TAMM41: variants seen among roughly 807,000 people sequenced by gnomAD.
The protein encoded by TAMM41 is TAM41 mitochondrial translocator assembly and maintenance homolog, also known as phosphatidate cytidylyltransferase, mitochondrial.
In TAMM41, 36 loss-of-function variants were observed where a neutral mutation model predicts 44.1. The observed-to-expected ratio is 0.82, with a 90% CI of 0.63 to 1.08. The LOEUF (loss-of-function observed/expected upper bound fraction) is 1.08. TAMM41 is among the 50% of genes least tolerant of loss of function. The pLI is 0.00. For synonymous variants in TAMM41, 164 were observed against 153.1 expected, an observed-to-expected ratio of 1.07 and a Z score of -0.53; for missense variants, 417 against 404.3, an observed-to-expected ratio of 1.03 and a Z score of -0.27.
the TAMM41 span, among the ~76,000 whole-genome samples, chr3:11,764,483 A>ATTTTTTTTTTTTTTTTTTTT: frequency 1.2e-5 from 1 of 86,326 alleles, no homozygotes; most frequent in African/African-American, 5.2e-5. Context: ...CCATAATCTT[A>ATTTTTTTTTTTTTTTTTTTT]TTCTTTTTTT....
At chr3:11,784,293 G>C in the TAMM41 span, among the ~76,000 whole-genome samples, 2 of 152,190 alleles carry the variant, frequency 1.3e-5, no homozygotes, top group African/African-American at 4.8e-5. Context: ...TCAGGAGTTT[G>C]AGACCAGCTG....
the TAMM41 span, among the ~76,000 whole-genome samples, chr3:11,778,800 G>T: frequency 6.6e-6 from 1 of 152,048 alleles, no homozygotes; most frequent in African/African-American, 2.4e-5. Context: ...CTTTTTTGGA[G>T]AAGTGTGTGT....
At chr3:11,780,465 G>C in the TAMM41 span, among the ~76,000 whole-genome samples, 1 of 152,210 alleles carries the variant, frequency 6.6e-6, no homozygotes, top group Non-Finnish European at 1.5e-5. Context: ...CCAAGTGACT[G>C]AAAGACAGTT....
the TAMM41 span, among the ~76,000 whole-genome samples, chr3:11,746,962 A>G: frequency 6.6e-6 from 1 of 152,168 alleles, no homozygotes; most frequent in Non-Finnish European, 1.5e-5. Flanking sequence ...ATCTATATCT[A>G]GAAATTCTAG....
chr3:11,819,965 G>A (rs1002248185), intron 4 of TAMM41, among the ~76,000 whole-genome samples: 1 of 151,984 alleles, frequency 6.6e-6, no homozygotes, highest in African/African-American at 2.4e-5. Flanking sequence ...AAGACAACAT[G>A]CCCCAGGTCC....
the TAMM41 span, among the ~76,000 whole-genome samples, chr3:11,773,814 G>A: frequency 6.6e-6 from 1 of 152,200 alleles, no homozygotes; most frequent in African/African-American, 2.4e-5. Context: ...TGGGGGCCGG[G>A]TGCGGTGGCT....
chr3:11,826,433 G>A lies in TAMM41; in HGVS notation c.562+3281C>T, dbSNP rs112604530. On this transcript the variant is annotated intron_variant, in intron 4 of 7. Transcript: ENST00000455809. Reference sequence around the variant, plus strand: ...GGTCCCAGCTACTTGGGAGTCTGAGGTGGGAGGGTTGCTTGGGCCCGGGAG... The same window carrying A: ...GGTCCCAGCTACTTGGGAGTCTGAGATGGGAGGGTTGCTTGGGCCCGGGAG... Among the ~76,000 whole-genome samples the A allele has an allele frequency of 4.8e-3, 733 of 151,428 alleles. 4 individuals carry two copies. Among genetic ancestry groups the A allele is most frequent in the Middle Eastern group, 0.034 (10 of 294 alleles).
At chr3:11,799,470 A>C (rs1404175934) in intron 7 of TAMM41, among the ~76,000 whole-genome samples, 1 of 152,180 alleles carries the variant, frequency 6.6e-6, no homozygotes, top group Admixed American at 6.5e-5. Context: ...CTTGGCCATA[A>C]TAAACAGAGC....
At chr3:11,748,076 TGTTGTCC>T in the TAMM41 span, among the ~76,000 whole-genome samples, 1 of 151,738 alleles carries the variant, frequency 6.6e-6, no homozygotes, top group African/African-American at 2.4e-5. Context: ...GGTTTCTCCA[TGTTGTCC>T]AGGCTGGTCT....
At chr3:11,762,743 C>T in the TAMM41 span, among the ~76,000 whole-genome samples, 278 of 152,274 alleles carry the variant, frequency 1.8e-3, no homozygotes, top group Non-Finnish European at 2.9e-3. Context: ...TGGGTCTGAC[C>T]CTTTCTGTAC....
intron 7 of TAMM41, among the ~76,000 whole-genome samples, chr3:11,799,780 T>G (rs2124930669): frequency 6.6e-6 from 1 of 152,266 alleles, no homozygotes; most frequent in Non-Finnish European, 1.5e-5. Context: ...GACTTCAACA[T>G]AGCATACTAT....
chr3:11,813,619 G>A (rs1365539626), intron 5 of TAMM41, among the ~76,000 whole-genome samples: 4 of 151,986 alleles, frequency 2.6e-5, no homozygotes, highest in Non-Finnish European at 4.4e-5. Flanking sequence ...ATATCACAAA[G>A]AACTTCCAGC....
chr3:11,727,265 C>T, the TAMM41 span, among the ~76,000 whole-genome samples: 10 of 152,244 alleles, frequency 6.6e-5, no homozygotes, highest in East Asian at 1.7e-3. Flanking sequence ...GGTCCAATTC[C>T]GGAGTCCACC....
the TAMM41 span, among the ~76,000 whole-genome samples, chr3:11,728,668 C>T: frequency 3.0e-4 from 46 of 152,280 alleles, no homozygotes; most frequent in Middle Eastern, 0.014. Flanking sequence ...AGTCGAAGAG[C>T]TGTGATTGAG....
intron 5 of TAMM41, among the ~76,000 whole-genome samples, chr3:11,814,942 C>A (rs953266331): frequency 6.6e-6 from 1 of 151,664 alleles, no homozygotes; most frequent in African/African-American, 2.4e-5. Context: ...CTAGCCAGGG[C>A]AACTGAGCAA....
chr3:11,831,016 T>A (rs1380198118), intron 3 of TAMM41: 1 of 152,230 alleles, frequency 6.6e-6, no homozygotes, highest in Non-Finnish European at 1.5e-5. Flanking sequence ...CATAATTCCT[T>A]ATCAGTAAAA....
the TAMM41 span, among the ~76,000 whole-genome samples, chr3:11,725,246 CCCT>C: frequency 2.4e-5 from 3 of 124,566 alleles, no homozygotes; most frequent in African/African-American, 8.8e-5. Flanking sequence ...CTTCTCCTCC[CCCT>C]CCTCCTTCTC....
chr3:11,782,714 C>A, the TAMM41 span, among the ~76,000 whole-genome samples: 6 of 152,312 alleles, frequency 3.9e-5, no homozygotes, highest in African/African-American at 1.2e-4. Flanking sequence ...AGTACTTTCA[C>A]AGATAATGGC....
chr3:11,836,952 GT>G (rs1186826811), intron 3 of TAMM41, among the ~76,000 whole-genome samples: 1 of 152,202 alleles, frequency 6.6e-6, no homozygotes, highest in East Asian at 1.9e-4. Flanking sequence ...TTTAAAAAAT[GT>G]TTTTAATTAA....
Sources: gnomAD v4.1 joint callset for allele counts (sites outside exome capture counted in the v4.1 genomes callset) on GRCh38, gnomAD v4.1.1 for gene constraint, MANE v1.5 for transcripts, NCBI Gene and HGNC (gene_info 2026-07-23, HGNC 2026-07-21) for gene names.